Variants in FAM234A observed in about 807,000 individuals in gnomAD.
FAM234A encodes the protein family with sequence similarity 234 member A.
Under a neutral mutation model 49.1 loss-of-function variants are expected in FAM234A, and 42 were observed. The ratio of observed to expected loss-of-function variants is 0.86; its 90% CI spans 0.67 to 1.11. The LOEUF is 1.11. Ranked by LOEUF, FAM234A falls within the 50% of genes least tolerant of loss-of-function variation. FAM234A has a pLI of 0.00. For synonymous variants in FAM234A, 369 were observed against 316.2 expected (o/e 1.17, Z -1.77); for missense variants, 815 against 745.2 (o/e 1.09, Z -1.09).
chr16:240,750 C>T (rs1173172367), intron 1 of FAM234A, among the ~76,000 whole-genome samples: 2 of 152,074 alleles, frequency 1.3e-5, no homozygotes, highest in Admixed American at 6.6e-5. Context: ...GATCCAGCCG[C>T]CTAGGCCTCC....
intron 1 of FAM234A, among the ~76,000 whole-genome samples, chr16:237,058 T>C (rs868069420): frequency 4.0e-5 from 6 of 149,508 alleles, no homozygotes; most frequent in South Asian, 2.2e-4. Context: ...CCAGCCTGTT[T>C]ATTTATTTAT....
intron 1 of FAM234A, among the ~76,000 whole-genome samples, chr16:235,754 A>G (rs1045957229): frequency 6.6e-6 from 1 of 152,108 alleles, no homozygotes; most frequent in African/African-American, 2.4e-5. Context: ...GGAACCAGGG[A>G]TGGTTGTAGG....
chr16:254,947 C>T (rs2051172765), intron 3 of FAM234A, among the ~76,000 whole-genome samples: 1 of 152,182 alleles, frequency 6.6e-6, no homozygotes, highest in Non-Finnish European at 1.5e-5. Flanking sequence ...CTTCTGCCTC[C>T]GGAGTTCAAG....
intron 1 of FAM234A, among the ~76,000 whole-genome samples, chr16:238,765 CAA>C (rs34366851): frequency 1.3e-4 from 5 of 37,892 alleles, no homozygotes; most frequent in East Asian, 7.0e-4. Flanking sequence ...GACTCCGTCT[CAA>C]AAAAAAAAAA....
chr16:263,776 G>T lies in FAM234A; in HGVS notation c.1188+1G>T, dbSNP rs1305507872. ...AAACGGAACTGGCACCGACAGACAG[G>T]TTCGTTGTTCTTCCTTCGGAGGTGG... On this transcript the variant is annotated splice_donor_variant, in intron 10 of 12. Transcript: ENST00000399932. LOFTEE classifies it high-confidence loss of function. 1.9e-6 allele frequency: 3 copies of T among 1,611,354 alleles called. No individual in the cohort carries two copies. The highest frequency in any genetic ancestry group is 1.1e-5 in the South Asian group (1 of 91,020).
At chr16:251,235 C>G (rs939875496) in intron 2 of FAM234A, among the ~76,000 whole-genome samples, 1 of 152,156 alleles carries the variant, frequency 6.6e-6, no homozygotes, top group Non-Finnish European at 1.5e-5. Flanking sequence ...GGATCACAGG[C>G]GTGAGCCACT....
At chr16:253,642 T>G (rs904307157) in intron 2 of FAM234A, among the ~76,000 whole-genome samples, 1 of 151,980 alleles carries the variant, frequency 6.6e-6, no homozygotes, top group African/African-American at 2.4e-5. Context: ...GCCCTGCTAA[T>G]TTTTTGTATT....
chr16:267,339 A>C (rs1389970048), downstream of FAM234A, among the ~76,000 whole-genome samples: 1 of 152,060 alleles, frequency 6.6e-6, no homozygotes, highest in Admixed American at 6.5e-5. Flanking sequence ...AGATGCCCCA[A>C]GTCTGCTGCC....
chr16:264,872 A>C lies in FAM234A; in HGVS notation c.1509A>C (p.Ser503=), dbSNP rs1218682116. Residue 503 remains serine (S), a synonymous_variant, in exon 13 of 13, where the codon TCA becomes TCC. Transcript: ENST00000399932. ...AYILLTGPAD[S]EAPGLVSVIK... The stretch of plus-strand genomic sequence containing the variant: ...TCCTTCTGACAGGCCCGGCAGACTC[A>C]GAGGCACCCGGCCTGGTCTCTGTGA... 1.2e-6 allele frequency: 2 copies of C among 1,612,600 alleles called. No individual in the cohort carries two copies. Among genetic ancestry groups the C allele is most frequent in the Non-Finnish European group, 1.7e-6 (2 of 1,179,948 alleles).
chr16:262,054 C>T, intron 6 of FAM234A, 39 bp from the exon 7 acceptor site: 4 of 1,565,280 alleles, frequency 2.6e-6, no homozygotes, highest in Non-Finnish European at 3.5e-6. Flanking sequence ...GCCCCAGGCT[C>T]AGGTCCCTCT....
At chr16:250,548 A>C (rs1215820623) in intron 2 of FAM234A, among the ~76,000 whole-genome samples, 2 of 152,118 alleles carry the variant, frequency 1.3e-5, no homozygotes, top group Admixed American at 6.6e-5. Flanking sequence ...AGATGTTAAA[A>C]CTTAAGCCTC....
downstream of FAM234A, chr16:266,192 G>A: frequency 2.5e-6 from 2 of 802,840 alleles, no homozygotes; most frequent in East Asian, 1.3e-4. Context: ...GAGTGACCAG[G>A]AATTTGCTGG....
At chr16:250,873 G>A (rs1423783865) in intron 2 of FAM234A, among the ~76,000 whole-genome samples, 1 of 152,158 alleles carries the variant, frequency 6.6e-6, no homozygotes, top group Non-Finnish European at 1.5e-5. Context: ...TTTTTACCAT[G>A]GCTGAAAAAC....
chr16:242,922 C>G lies in FAM234A; in HGVS notation c.-139-6627C>G, dbSNP rs368991366. 4.1e-4 allele frequency among the ~76,000 whole-genome samples: 62 copies of G among 151,350 alleles called. 1 individual carries two copies. Among genetic ancestry groups the G allele is most frequent in the African/African-American group, 1.5e-3 (61 of 41,252 alleles). Reference sequence around the variant, plus strand: ...CTACCACGCCCATCCCGTGTCAGGTCTTTTACCTTAATTAATACGTATTGT... The same window carrying G: ...CTACCACGCCCATCCCGTGTCAGGTGTTTTACCTTAATTAATACGTATTGT... On this transcript the variant is annotated intron_variant, in intron 1 of 12. Coordinates refer to ENST00000399932, the MANE Select transcript of FAM234A (RefSeq NM_032039.4).
At chr16:252,689 C>T (rs1301782772) in intron 2 of FAM234A, among the ~76,000 whole-genome samples, 2 of 152,168 alleles carry the variant, frequency 1.3e-5, no homozygotes, top group African/African-American at 4.8e-5. Context: ...AAAATTAAAG[C>T]CATTCTAGTG....
intron 1 of FAM234A, among the ~76,000 whole-genome samples, chr16:238,996 TG>T (rs2050513376): frequency 8.0e-6 from 1 of 124,810 alleles, no homozygotes; most frequent in African/African-American, 3.1e-5. Context: ...GCAGGAGAGT[TG>T]TTTGAACCCA....
chr16:265,833 C>T lies in FAM234A; in HGVS notation c.*811C>T. 1.0e-6 allele frequency: 1 copy of T among 985,796 alleles called. No individual in the cohort carries two copies. The highest frequency in any genetic ancestry group is 1.2e-6 in the Non-Finnish European group (1 of 830,078). The allele number at this position is 985,796 out of a possible 1,614,324, so 61.1% of individuals were successfully genotyped here. On this transcript the variant is annotated 3_prime_UTR_variant, in exon 13 of 13. Transcript: ENST00000399932. The stretch of plus-strand genomic sequence containing the variant: ...TGTGCCCTCTCAGTAGACACTGGAG[C>T]TGCTCTGTCCCTGAAGAGGCCCCGT...
chr16:266,102 G>A (rs1324722435), downstream of FAM234A: 2 of 985,192 alleles, frequency 2.0e-6, no homozygotes, highest in African/African-American at 1.7e-5. Flanking sequence ...AAAAACCCCG[G>A]TGGTCAGGCG....
chr16:248,061 G>A lies in FAM234A; in HGVS notation c.-139-1488G>A, dbSNP rs530514286. Among the ~76,000 whole-genome samples the A allele has an allele frequency of 5.9e-5, 9 of 152,182 alleles. No individual in the cohort carries two copies. The South Asian group carries it at 1.2e-3, about 21-fold the overall frequency. ...GTCCCGTAATGGGGCTTTGCCTTCT[G>A]AAGCCTCTGTTTCTGTCTTCCCTCA... On this transcript the variant is annotated intron_variant, in intron 1 of 12. Transcript: ENST00000399932.
Sources: gnomAD v4.1 joint callset for allele counts (sites outside exome capture counted in the v4.1 genomes callset) on GRCh38, gnomAD v4.1.1 for gene constraint, MANE v1.5 for transcripts, NCBI Gene and HGNC (gene_info 2026-07-23, HGNC 2026-07-21) for gene names.